The following DAAM1 variants were observed in gnomAD, a reference collection of about 807,000 sequenced individuals.
The protein encoded by DAAM1 is dishevelled associated activator of morphogenesis 1.
A neutral mutation model predicts 130.0 loss-of-function variants in DAAM1; 52 were observed. The observed-to-expected ratio is 0.40, with a 90% CI of 0.32 to 0.50. The LOEUF (loss-of-function observed/expected upper bound fraction) is 0.50, where lower values mean the gene tolerates loss of function less well. DAAM1 is among the 20% of genes least tolerant of loss of function. The pLI, the probability that DAAM1 is intolerant of heterozygous loss-of-function variation, is 0.61. For missense variants in DAAM1, 1,134 were observed against 1,303.8 expected (o/e 0.87, Z 2.01); for synonymous variants, 452 against 444.5 (o/e 1.02, Z -0.21).
chr14:59,220,859 C>G (rs1027898868), intron 1 of DAAM1, among the ~76,000 whole-genome samples: 4 of 152,132 alleles, frequency 2.6e-5, no homozygotes, highest in Non-Finnish European at 2.9e-5. Flanking sequence ...CTACCTGGGC[C>G]CTAAACCGAT....
At chr14:59,328,651 C>T (rs1885304921) in intron 12 of DAAM1, among the ~76,000 whole-genome samples, 1 of 152,196 alleles carries the variant, frequency 6.6e-6, no homozygotes, top group Non-Finnish European at 1.5e-5. Context: ...TTAATCCTGA[C>T]TCACAGCGTG....
At chr14:59,325,545 G>A (rs1885174270) in intron 8 of DAAM1, 119 bp from the exon 9 acceptor site, 5 of 847,800 alleles carry the variant, frequency 5.9e-6, no homozygotes, top group African/African-American at 1.7e-5. Flanking sequence ...TTGTTACATT[G>A]TTCCTTTTTG....
intron 4 of DAAM1, among the ~76,000 whole-genome samples, chr14:59,317,221 C>A (rs1261643525): frequency 6.6e-6 from 1 of 152,036 alleles, no homozygotes. Flanking sequence ...TTCTAATGTT[C>A]CTTTTAGGAC....
intron 2 of DAAM1, among the ~76,000 whole-genome samples, chr14:59,288,254 A>G (rs1266352867): frequency 6.6e-6 from 1 of 152,164 alleles, no homozygotes; most frequent in African/African-American, 2.4e-5. Context: ...TTTCTTTCAC[A>G]TAAGCAAAAA....
intron 1 of DAAM1, among the ~76,000 whole-genome samples, chr14:59,262,014 T>C (rs1043358695): frequency 6.6e-6 from 1 of 152,072 alleles, no homozygotes; most frequent in Admixed American, 6.5e-5. Context: ...TCTCCTCCCC[T>C]GCCCTTCCAT....
At chr14:59,313,391 A>G (rs1327341785) in intron 3 of DAAM1, among the ~76,000 whole-genome samples, 1 of 152,250 alleles carries the variant, frequency 6.6e-6, no homozygotes, top group Non-Finnish European at 1.5e-5. Context: ...TCTTCCCCTT[A>G]TTGTGATGAC....
At chr14:59,339,834 C>G (rs1183080518) in intron 15 of DAAM1, among the ~76,000 whole-genome samples, 1 of 152,184 alleles carries the variant, frequency 6.6e-6, no homozygotes, top group Non-Finnish European at 1.5e-5. Context: ...GCACTTTGTT[C>G]TTCCAAATAA....
chr14:59,200,993 C>T (rs763568087), intron 1 of DAAM1, among the ~76,000 whole-genome samples: 18 of 151,776 alleles, frequency 1.2e-4, no homozygotes, highest in Non-Finnish European at 2.1e-4. Context: ...AATCCTGTCT[C>T]CACTAAAAAT....
intron 1 of DAAM1, among the ~76,000 whole-genome samples, chr14:59,246,937 A>G (rs1881409196): frequency 6.6e-6 from 1 of 152,096 alleles, no homozygotes; most frequent in Non-Finnish European, 1.5e-5. Context: ...GGGGTTCTGG[A>G]TATTAATTCC....
intron 2 of DAAM1, among the ~76,000 whole-genome samples, chr14:59,267,478 C>A (rs1882494028): frequency 6.6e-6 from 1 of 151,720 alleles, no homozygotes; most frequent in South Asian, 2.1e-4. Context: ...CTAGTCTCAT[C>A]CTGCTTAACT....
At position 59,264,629 on chromosome 14, in the gene DAAM1, ATTAG is replaced by A. The variant is rs1408212670; in HGVS notation, c.183+972_183+975del. On this transcript the variant is annotated intron_variant, in intron 2 of 24. Transcript: ENST00000360909. ...ATCACCACTGGCATTTTGTAATGGA[ATTAG>A]TTCTTCTTTTTTTTTTTTCTTCAAC... The A allele has an allele frequency of 2.0e-5, 3 of 152,018 alleles. 1 individual carries two copies. The highest frequency in any genetic ancestry group is 4.4e-5 in the Non-Finnish European group (3 of 68,030). 9.4% of individuals were successfully genotyped at this position (152,018 alleles called of 1,614,324 possible).
chr14:59,302,462 A>G (rs1276487090), intron 3 of DAAM1, among the ~76,000 whole-genome samples: 1 of 152,120 alleles, frequency 6.6e-6, no homozygotes, highest in Non-Finnish European at 1.5e-5. Flanking sequence ...TTAGAGAAGC[A>G]ACTCCCTCAG....
At chr14:59,354,088 T>C (rs1886384889) in intron 19 of DAAM1, 124 bp downstream of exon 19, 3 of 894,824 alleles carry the variant, frequency 3.4e-6, no homozygotes, top group South Asian at 3.5e-5. Context: ...TGAGACGGAG[T>C]CTTGCACAGT....
chr14:59,273,647 G>A (rs1416628742), intron 2 of DAAM1, among the ~76,000 whole-genome samples: 1 of 152,152 alleles, frequency 6.6e-6, no homozygotes, highest in African/African-American at 2.4e-5. Context: ...AGTCGTTATA[G>A]TATACTGACA....
At chr14:59,195,192 G>A (rs1383234307) in intron 1 of DAAM1, among the ~76,000 whole-genome samples, 1 of 143,014 alleles carries the variant, frequency 7.0e-6, no homozygotes, top group Non-Finnish European at 1.5e-5. Context: ...CGCCCAGGCT[G>A]GAGTGCAGTG....
At chr14:59,214,424 C>A (rs1888516076) in intron 1 of DAAM1, among the ~76,000 whole-genome samples, 2 of 152,212 alleles carry the variant, frequency 1.3e-5, no homozygotes, top group Admixed American at 1.3e-4. Flanking sequence ...TGAAGAGATA[C>A]TTTTCTGTTA....
intron 3 of DAAM1, among the ~76,000 whole-genome samples, chr14:59,295,680 G>A (rs10483712): frequency 0.32 from 48,218 of 151,990 alleles, 8,911 homozygotes; most frequent in East Asian, 0.56. Context: ...TAAAGTAGTG[G>A]AATTAAAGTC....
chr14:59,210,591 C>T (rs1290549064), intron 1 of DAAM1, among the ~76,000 whole-genome samples: 1 of 152,182 alleles, frequency 6.6e-6, no homozygotes, highest in Non-Finnish European at 1.5e-5. Flanking sequence ...TCTCTTGCTT[C>T]AGTTTCGCAT....
chr14:59,346,009 A>C (rs1222049004), intron 16 of DAAM1, among the ~76,000 whole-genome samples: 2 of 152,204 alleles, frequency 1.3e-5, no homozygotes, highest in African/African-American at 4.8e-5. Context: ...AGTATAAAAA[A>C]GTCTGCCTTG....
Sources: allele counts gnomAD v4.1 joint callset (sites outside exome capture counted in the v4.1 genomes callset), GRCh38; gene constraint gnomAD v4.1.1; transcripts MANE v1.5; gene names NCBI Gene and HGNC (gene_info 2026-07-23, HGNC 2026-07-21).